Variants in ZNF678 observed in about 807,000 individuals in gnomAD.
ZNF678 encodes hypothetical protein MGC42493.
In ZNF678, 5 loss-of-function variants were observed where a neutral mutation model predicts 3.0. That is an observed-to-expected ratio of 1.69 (90% CI 0.88 to 3.56). The LOEUF is 3.56. Ranked by LOEUF, ZNF678 falls within the 30% of genes most tolerant of loss-of-function variation. The probability of loss-of-function intolerance (pLI) is 0.00; values close to 1 mark genes in which losing one functional copy is unlikely to be tolerated. For synonymous variants in ZNF678, 218 were observed against 199.6 expected, an observed-to-expected ratio of 1.09 and a Z score of -0.78; for missense variants, 593 against 605.0, an observed-to-expected ratio of 0.98 and a Z score of 0.21.
At chr1:227,581,055 G>T (rs945360003) in intron 1 of ZNF678, among the ~76,000 whole-genome samples, 1 of 151,954 alleles carries the variant, frequency 6.6e-6, no homozygotes, top group African/African-American at 2.4e-5. Context: ...TCTTCAATAT[G>T]AATGCTGAAA....
intron 3 of ZNF678, among the ~76,000 whole-genome samples, chr1:227,653,016 A>G (rs989451505): frequency 6.6e-6 from 1 of 152,066 alleles, no homozygotes; most frequent in Non-Finnish European, 1.5e-5. Context: ...TGTGAAGGAC[A>G]GTTTTACTGT....
intron 1 of ZNF678, among the ~76,000 whole-genome samples, chr1:227,624,666 T>C (rs1398302995): frequency 6.6e-6 from 1 of 152,208 alleles, no homozygotes; most frequent in Non-Finnish European, 1.5e-5. Context: ...GTTATAGCTC[T>C]ATTAGAAGCC....
intron 1 of ZNF678, among the ~76,000 whole-genome samples, chr1:227,565,927 A>T (rs1228932514): frequency 2.0e-5 from 3 of 151,986 alleles, no homozygotes; most frequent in South Asian, 2.1e-4. Flanking sequence ...CGGCTAGCTA[A>T]TTTTTTTGTA....
rs1364401265 is a variant in ZNF678 at position 227,661,386 on chromosome 1, G to A, written c.*5558G>A. The A allele has an allele frequency of 6.6e-6, 1 of 152,054 alleles. No individual in the cohort carries two copies. The highest frequency in any genetic ancestry group is 2.4e-5 in the African/African-American group (1 of 41,386). The allele number at this position is 152,054 out of a possible 1,614,324, so 9.4% of individuals were successfully genotyped here. A position where few individuals can be genotyped will look rare whatever the true frequency, so the allele number is the denominator to read the frequency against. On this transcript the variant is annotated 3_prime_UTR_variant, in exon 4 of 4. Coordinates refer to ENST00000343776, the MANE Select transcript of ZNF678 (RefSeq NM_001367909.1). ...AAAGACCAGGCAAAAGAAATGTCAA[G>A]CCGCATTTACAAATGCAAAAATGGA...
intron 1 of ZNF678, among the ~76,000 whole-genome samples, chr1:227,573,389 C>T (rs560537380): frequency 6.6e-6 from 1 of 152,248 alleles, no homozygotes; most frequent in South Asian, 2.1e-4. Flanking sequence ...CGAATAAAAG[C>T]CCATTGACAG....
At chr1:227,625,567 G>A (rs1658390869) in intron 1 of ZNF678, among the ~76,000 whole-genome samples, 1 of 152,200 alleles carries the variant, frequency 6.6e-6, no homozygotes, top group South Asian at 2.1e-4. Context: ...AAGATACAGG[G>A]ATTGAAATGT....
chr1:227,667,491 T>C (rs1659524616), intron 5 of ZNF678, among the ~76,000 whole-genome samples: 1 of 152,192 alleles, frequency 6.6e-6, no homozygotes, highest in Admixed American at 6.5e-5. Context: ...GCCACTACAA[T>C]TAAAAGTAGA....
rs1351079984 is a variant in ZNF678, at chr1:227,657,747, C to T, written c.*1919C>T. On this transcript the variant is annotated 3_prime_UTR_variant, in exon 4 of 4. Coordinates refer to ENST00000343776, the MANE Select transcript of ZNF678 (RefSeq NM_001367909.1). ...AATTGTGTTTGAGTGTAGGTGTGTACTTTTTTGAGAAGAAAACAAAAATAT... is the reference window on the plus strand; with the variant it reads ...AATTGTGTTTGAGTGTAGGTGTGTATTTTTTTGAGAAGAAAACAAAAATAT... 1.3e-5 allele frequency: 2 copies of T among 151,800 alleles called. No individual in the cohort carries two copies. Among genetic ancestry groups the T allele is most frequent in the African/African-American group, 4.8e-5 (2 of 41,374 alleles). The allele number at this position is 151,800 out of a possible 1,614,324, so 9.4% of individuals were successfully genotyped here. A position where few individuals can be genotyped will look rare whatever the true frequency, so the allele number is the denominator to read the frequency against.
chr1:227,593,762 A>G (rs1407350264), intron 1 of ZNF678, among the ~76,000 whole-genome samples: 2 of 151,012 alleles, frequency 1.3e-5, no homozygotes, highest in Non-Finnish European at 2.9e-5. Flanking sequence ...AAAGAGTTAC[A>G]TTTTTCTTAG....
chr1:227,666,794 G>A (rs1659510884), downstream of ZNF678, among the ~76,000 whole-genome samples: 2 of 146,858 alleles, frequency 1.4e-5, no homozygotes, highest in African/African-American at 2.6e-5. Flanking sequence ...GCCCAGGCTG[G>A]AGTGCAATGG....
At chr1:227,654,242 T>G in intron 3 of ZNF678, 94 bp from the exon 4 acceptor site, 1 of 998,748 alleles carries the variant, frequency 1.0e-6, no homozygotes, top group Non-Finnish European at 1.4e-6. Flanking sequence ...GCCATCTTGT[T>G]AATGTCTCTG....
At position 227,655,791 on chromosome 1, in the gene ZNF678, A is replaced by G; in HGVS notation, c.1541A>G (p.Glu514Gly). ...AAGTATAAGAGAATTTATACTGGAG[A>G]GGAACCTGACAAATGTAAAAAATGT... ...HSKYKRIYTG[E>G]EPDKCKKCGS... Residue 514 changes from glutamate to glycine, a missense_variant, in exon 4 of 4, where the codon GAG becomes GGG. Glu to Gly is a moderately conservative substitution (Grantham distance 98). Transcript: ENST00000343776. 6.3e-7 allele frequency: 1 copy of G among 1,585,688 alleles called. No individual in the cohort carries two copies.
chr1:227,642,714 T>A (rs1261431815), intron 1 of ZNF678, among the ~76,000 whole-genome samples: 1 of 151,748 alleles, frequency 6.6e-6, no homozygotes, highest in Non-Finnish European at 1.5e-5. Context: ...TGTGAGACAT[T>A]TAGGGATGTC....
At chr1:227,578,400 C>T (rs1657040490) in intron 1 of ZNF678, among the ~76,000 whole-genome samples, 1 of 152,224 alleles carries the variant, frequency 6.6e-6, no homozygotes, top group Admixed American at 6.5e-5. Flanking sequence ...ATTCTCTTTA[C>T]ATAACATGAT....
intron 5 of ZNF678, among the ~76,000 whole-genome samples, chr1:227,671,421 C>T (rs527850509): frequency 1.1e-4 from 16 of 152,186 alleles, no homozygotes; most frequent in African/African-American, 3.6e-4. Flanking sequence ...CAGACTTATC[C>T]ATGCACATAT....
intron 1 of ZNF678, among the ~76,000 whole-genome samples, chr1:227,593,962 C>T (rs1161637613): frequency 1.3e-5 from 2 of 150,820 alleles, no homozygotes; most frequent in Non-Finnish European, 2.9e-5. Context: ...TTCTTTCCAC[C>T]CTTTGATGAG....
chr1:227,668,913 A>T (rs1202271038), intron 5 of ZNF678, among the ~76,000 whole-genome samples: 2 of 152,132 alleles, frequency 1.3e-5, no homozygotes, highest in African/African-American at 4.8e-5. Context: ...CTGTTCTATT[A>T]TGTGGATTAA....
intron 3 of ZNF678, among the ~76,000 whole-genome samples, chr1:227,653,459 CA>C (rs1659138047): frequency 6.6e-6 from 1 of 151,932 alleles, no homozygotes; most frequent in Admixed American, 6.6e-5. Context: ...ATAATTTATA[CA>C]TATTTATTTT....
chr1:227,629,810 C>T (rs184032506), intron 1 of ZNF678, among the ~76,000 whole-genome samples: 24 of 152,272 alleles, frequency 1.6e-4, no homozygotes, highest in African/African-American at 4.6e-4. Flanking sequence ...TATTTTTATT[C>T]GGACAATCTT....
Sources: allele counts gnomAD v4.1 joint callset (sites outside exome capture counted in the v4.1 genomes callset), GRCh38; gene constraint gnomAD v4.1.1; transcripts MANE v1.5; gene names NCBI Gene and HGNC (gene_info 2026-07-23, HGNC 2026-07-21).